CFAP206: variants seen among roughly 807,000 people sequenced by gnomAD.
CFAP206 encodes the protein cilia- and flagella-associated protein 206.
Under a neutral mutation model 65.4 loss-of-function variants are expected in CFAP206, and 53 were observed. That is an observed-to-expected ratio of 0.81 (90% CI 0.65 to 1.02). The LOEUF (loss-of-function observed/expected upper bound fraction) is 1.02. Ranked by LOEUF, CFAP206 falls within the 50% of genes least tolerant of loss-of-function variation. The pLI, the probability that CFAP206 is intolerant of heterozygous loss-of-function variation, is 0.00. For missense variants in CFAP206, 663 were observed against 753.2 expected (o/e 0.88, Z 1.40); for synonymous variants, 250 against 254.4 (o/e 0.98, Z 0.17).
intron 10 of CFAP206, among the ~76,000 whole-genome samples, chr6:87,433,162 T>A (rs957508877): frequency 1.3e-5 from 2 of 152,234 alleles, no homozygotes. Context: ...TGCCTCATTT[T>A]ATTCAGCCTT....
chr6:87,419,120 T>TG (rs1491524378), intron 7 of CFAP206, among the ~76,000 whole-genome samples: 1 of 139,402 alleles, frequency 7.2e-6, no homozygotes, highest in African/African-American at 2.8e-5. Flanking sequence ...AAAAAACGTT[T>TG]GTTTTTTTTT....
At chr6:87,460,839 A>G (rs558040874) in intron 11 of CFAP206, among the ~76,000 whole-genome samples, 183 bp from the exon 12 acceptor site, 1 of 152,310 alleles carries the variant, frequency 6.6e-6, no homozygotes, top group Admixed American at 6.5e-5. Context: ...TAATTCCCAG[A>G]AAAACAATTA....
At chr6:87,409,976 T>G (rs747308275) in intron 2 of CFAP206, 29 bp downstream of exon 2, 2 of 1,457,874 alleles carry the variant, frequency 1.4e-6, no homozygotes, top group African/African-American at 1.4e-5. Context: ...GTGATTACTG[T>G]TTTATTAAGA....
At chr6:87,445,228 G>A in intron 11 of CFAP206, 1 of 273,252 alleles carries the variant, frequency 3.7e-6, no homozygotes, top group Non-Finnish European at 7.0e-6. Flanking sequence ...TTAAGTTCCA[G>A]GATACATGTG....
chr6:87,458,752 C>T (rs886131192), intron 11 of CFAP206, among the ~76,000 whole-genome samples: 7 of 151,930 alleles, frequency 4.6e-5, no homozygotes, highest in African/African-American at 1.7e-4. Flanking sequence ...TTTTATAGCA[C>T]AACAGGGTGA....
Position 87,431,116 on chromosome 6 carries a change from C to A in CFAP206, c.1243C>A (p.Gln415Lys). ...AGCAAATTTTGATAAACTGTTAATT[C>A]AATATCGGGGATTTTGTGCTTACAC... ...TTANFDKLLI[Q>K]YRGFCAYTFA... The change falls in exon 10 of 13, where the codon CAA becomes AAA. Residue 415 changes from glutamine (Q) to lysine (K), a missense_variant. Gln to Lys is a moderately conservative substitution (Grantham distance 53). Transcript: ENST00000369562. 1 of 1,613,970 alleles carries A rather than the reference C, an allele frequency of 6.2e-7. No homozygotes were observed. Among genetic ancestry groups the A allele is most frequent in the Non-Finnish European group, 8.5e-7 (1 of 1,179,902 alleles).
chr6:87,451,822 A>C lies in CFAP206; in HGVS notation c.1495-9200A>C, dbSNP rs192954597. On this transcript the variant is annotated intron_variant, in intron 11 of 12. Coordinates refer to ENST00000369562, the MANE Select transcript of CFAP206 (RefSeq NM_001031743.3). ...CCCTGGCGGAGCTTGCAGTGAGCCGAGATAGTGCCACTGCACTCCAGCCTG... is the reference window on the plus strand; with the variant it reads ...CCCTGGCGGAGCTTGCAGTGAGCCGCGATAGTGCCACTGCACTCCAGCCTG... Among the ~76,000 whole-genome samples, 308 of 151,490 alleles carry C rather than the reference A, an allele frequency of 2.0e-3. 1 individual carries two copies. The Middle Eastern group carries it at 0.021, about 10-fold the overall frequency.
At chr6:87,427,239 G>A (rs1398623346) in intron 8 of CFAP206, among the ~76,000 whole-genome samples, 1 of 152,144 alleles carries the variant, frequency 6.6e-6, no homozygotes, top group Non-Finnish European at 1.5e-5. Context: ...CTGGGTTCAC[G>A]CCATTCTCCT....
chr6:87,434,044 G>A (rs1768208221), intron 10 of CFAP206, among the ~76,000 whole-genome samples: 1 of 151,150 alleles, frequency 6.6e-6, no homozygotes, highest in Non-Finnish European at 1.5e-5. Context: ...AGGTTGTAGT[G>A]AGCTGAGATC....
At chr6:87,458,753 A>G (rs1174863375) in intron 11 of CFAP206, among the ~76,000 whole-genome samples, 1 of 152,172 alleles carries the variant, frequency 6.6e-6, no homozygotes, top group South Asian at 2.1e-4. Context: ...TTTATAGCAC[A>G]ACAGGGTGAG....
At chr6:87,460,857 C>G (rs955210661) in intron 11 of CFAP206, among the ~76,000 whole-genome samples, 165 bp from the exon 12 acceptor site, 2 of 152,014 alleles carry the variant, frequency 1.3e-5, no homozygotes, top group Non-Finnish European at 2.9e-5. Flanking sequence ...TTATATTCAG[C>G]TCATTAATTA....
At chr6:87,441,715 A>G (rs1356406168) in intron 11 of CFAP206, 2 of 198,314 alleles carry the variant, frequency 1.0e-5, no homozygotes, top group Non-Finnish European at 2.1e-5. Context: ...ATTCCATACA[A>G]TATGTCGTTC....
rs543999501 is a variant in CFAP206, at chr6:87,436,231, G to A, written c.1494+1178G>A. ...TTTCTGAGTAGCTGGAACTATAGGC[G>A]GACACCATCACGCCTGGCTAATTTT... On this transcript the variant is annotated intron_variant, in intron 11 of 12. Transcript: ENST00000369562. Among the ~76,000 whole-genome samples the A allele has an allele frequency of 1.3e-3, 200 of 151,578 alleles. 1 individual carries two copies. Among genetic ancestry groups the A allele is most frequent in the African/African-American group, 4.6e-3 (188 of 41,296 alleles).
intron 11 of CFAP206, among the ~76,000 whole-genome samples, chr6:87,437,993 C>CTTT (rs1768302782): frequency 6.6e-6 from 1 of 151,852 alleles, no homozygotes; most frequent in Non-Finnish European, 1.5e-5. Context: ...CCATTTTCTT[C>CTTT]TTTTTAAATT....
Position 87,415,911 on chromosome 6 carries a change from A to G in CFAP206, c.472+37A>G, listed in dbSNP as rs559561598. 303 of 1,368,190 alleles carry G rather than the reference A, an allele frequency of 2.2e-4. 10 individuals carry two copies. In the South Asian group the frequency reaches 5.1e-3, roughly 23 times the overall value. The allele number at this position is 1,368,190 out of a possible 1,614,324, so 84.8% of individuals were successfully genotyped here. On this transcript the variant is annotated intron_variant, in intron 5 of 12. Transcript: ENST00000369562. ...AACCAATTTCCATTTCATAAGTGAA[A>G]ATATATGGTCATTGTATTTTATAAA...
At chr6:87,413,422 T>A (rs1231144194) in intron 3 of CFAP206, among the ~76,000 whole-genome samples, 1 of 152,168 alleles carries the variant, frequency 6.6e-6, no homozygotes, top group Admixed American at 6.5e-5. Context: ...CAATAATATG[T>A]ACCCAGGGAC....
chr6:87,433,269 C>T (rs1398409245), intron 10 of CFAP206, among the ~76,000 whole-genome samples: 2 of 152,192 alleles, frequency 1.3e-5, no homozygotes, highest in Non-Finnish European at 2.9e-5. Flanking sequence ...ACATGTCACT[C>T]TGTGACCTAT....
At chr6:87,425,493 C>T (rs1048369141) in intron 7 of CFAP206, among the ~76,000 whole-genome samples, 16 of 152,294 alleles carry the variant, frequency 1.1e-4, no homozygotes, top group Middle Eastern at 3.4e-3. Flanking sequence ...AATACTACTT[C>T]ATCCTTTAGA....
At position 87,415,869 on chromosome 6, in the gene CFAP206, T is replaced by C. The variant is rs1023361302; in HGVS notation, c.467T>C (p.Val156Ala). 3 of 1,540,008 alleles carry C rather than the reference T, an allele frequency of 1.9e-6. No homozygotes were observed. Among genetic ancestry groups the C allele is most frequent in the Non-Finnish European group, 2.6e-6 (3 of 1,144,002 alleles). The change falls in exon 5 of 13, where the codon GTA becomes GCA. Residue 156 changes from valine (V) to alanine (A), a missense_variant. Coordinates refer to ENST00000369562, the MANE Select transcript of CFAP206 (RefSeq NM_001031743.3). ...ACAGACATCAAGACTGTCAGAGAGG[T>C]AACAGGTAAAAAGTATAACCAATTT... is the stretch of plus-strand genomic sequence containing the variant. ...SPTDIKTVREVTAALQSVFPQ... is the reference protein window; with the variant it reads ...SPTDIKTVREATAALQSVFPQ...
Sources: allele counts gnomAD v4.1 joint callset (sites outside exome capture counted in the v4.1 genomes callset), GRCh38; gene constraint gnomAD v4.1.1; transcripts MANE v1.5; gene names NCBI Gene and HGNC (gene_info 2026-07-23, HGNC 2026-07-21).